The following SYN2 variants were observed in gnomAD, a reference collection of about 807,000 sequenced individuals.
SYN2 encodes the protein synapsin-2.
A neutral mutation model predicts 50.9 loss-of-function variants in SYN2; 19 were observed. The observed-to-expected ratio is 0.37, with a 90% CI of 0.26 to 0.55. The LOEUF is 0.55. SYN2 is among the 20% of genes least tolerant of loss of function. The pLI is 0.81. For missense variants in SYN2, 587 were observed against 576.4 expected, an observed-to-expected ratio of 1.02 and a Z score of -0.19; for synonymous variants, 255 against 224.9, an observed-to-expected ratio of 1.13 and a Z score of -1.20.
chr3:12,051,536 C>A (rs977527121), intron 1 of SYN2, among the ~76,000 whole-genome samples: 1 of 152,126 alleles, frequency 6.6e-6, no homozygotes, highest in Non-Finnish European at 1.5e-5. Context: ...TCTTTTAGTA[C>A]ATATGAATCC....
chr3:12,175,245 T>G (rs1004925823), intron 10 of SYN2, among the ~76,000 whole-genome samples: 2 of 152,248 alleles, frequency 1.3e-5, no homozygotes, highest in Non-Finnish European at 2.9e-5. Flanking sequence ...TACATATTTG[T>G]TGAGTGAGTT....
intron 7 of SYN2, among the ~76,000 whole-genome samples, chr3:12,165,916 T>G (rs1203063874): frequency 2.0e-5 from 3 of 151,812 alleles, no homozygotes; most frequent in Non-Finnish European, 4.4e-5. Context: ...CCTGGACTTT[T>G]ATCTCATACC....
At chr3:12,179,379 A>G (rs1274469624) in intron 10 of SYN2, among the ~76,000 whole-genome samples, 1 of 138,924 alleles carries the variant, frequency 7.2e-6, no homozygotes, top group Non-Finnish European at 1.5e-5. Flanking sequence ...TGAAAGAAAA[A>G]AAAAAAAAAA....
rs567032345 is a variant in SYN2, at chr3:12,167,957, G to T, written c.1056-419G>T. Among the ~76,000 whole-genome samples, 4 of 152,318 alleles carry T rather than the reference G, an allele frequency of 2.6e-5. No individual in the cohort carries two copies. The South Asian group carries it at 8.3e-4, about 32-fold the overall frequency. On this transcript the variant is annotated intron_variant, in intron 8 of 12. Transcript: ENST00000621198. ...CAAAGAACTTGGCCGCATTGTGTCC[G>T]TGCCCTGGGGATTTATGGAAGGCTG... is the stretch of plus-strand genomic sequence containing the variant.
intron 1 of SYN2, among the ~76,000 whole-genome samples, chr3:12,088,809 C>T (rs1386061618): frequency 2.0e-5 from 3 of 152,124 alleles, no homozygotes; most frequent in African/African-American, 7.2e-5. Flanking sequence ...AATCATCTCA[C>T]TTTTATGTGG....
At chr3:12,105,328 C>A (rs1458521861) in intron 1 of SYN2, among the ~76,000 whole-genome samples, 2 of 152,004 alleles carry the variant, frequency 1.3e-5, no homozygotes, top group Non-Finnish European at 2.9e-5. Flanking sequence ...ATATCTTACC[C>A]TTACATGGCG....
At chr3:12,058,612 A>G (rs1457662356) in intron 1 of SYN2, among the ~76,000 whole-genome samples, 1 of 152,232 alleles carries the variant, frequency 6.6e-6, no homozygotes, top group Admixed American at 6.5e-5. Flanking sequence ...GAATAAATCA[A>G]GATAAAATCA....
chr3:12,158,636 C>T (rs559902630), intron 5 of SYN2: 13 of 1,594,580 alleles, frequency 8.2e-6, no homozygotes, highest in Admixed American at 1.7e-5. Context: ...TCCTGGTGTA[C>T]TGCTGGCCAG....
At chr3:12,182,319 G>A (rs903029147) in intron 10 of SYN2, among the ~76,000 whole-genome samples, 4 of 152,292 alleles carry the variant, frequency 2.6e-5, no homozygotes, top group East Asian at 3.9e-4. Context: ...TTTAGCCACC[G>A]CCTTGCCTTG....
intron 1 of SYN2, among the ~76,000 whole-genome samples, chr3:12,021,056 A>G (rs528908003): frequency 3.9e-5 from 6 of 152,218 alleles, no homozygotes; most frequent in Admixed American, 6.5e-5. Context: ...ATAACTTCAT[A>G]TTTTTTTCAC....
At chr3:12,070,246 C>T in intron 1 of SYN2, 1 of 444,558 alleles carries the variant, frequency 2.2e-6, no homozygotes, top group Non-Finnish European at 4.5e-6. Flanking sequence ...GATTGCCATG[C>T]TGGTCATTGA....
intron 1 of SYN2, among the ~76,000 whole-genome samples, chr3:12,139,245 C>G (rs1458144365): frequency 1.3e-5 from 2 of 152,132 alleles, no homozygotes; most frequent in Non-Finnish European, 1.5e-5. Context: ...AGCCTGGCCT[C>G]GTCCCGGGTA....
At chr3:12,188,959 G>T (rs150540270) in intron 12 of SYN2, among the ~76,000 whole-genome samples, 1 of 152,316 alleles carries the variant, frequency 6.6e-6, no homozygotes, top group South Asian at 2.1e-4. Context: ...GAAGCTGGAG[G>T]CTCATCCCCA....
chr3:12,045,784 G>A (rs893340201), intron 1 of SYN2, among the ~76,000 whole-genome samples: 1 of 152,112 alleles, frequency 6.6e-6, no homozygotes, highest in African/African-American at 2.4e-5. Context: ...GGGGGGCTCA[G>A]GAATACCTCC....
intron 5 of SYN2, chr3:12,154,577 G>C: frequency 1.0e-6 from 1 of 962,028 alleles, no homozygotes; most frequent in Non-Finnish European, 1.6e-6. Flanking sequence ...GTGGCATGGG[G>C]CTCAGTGAAG....
intron 11 of SYN2, chr3:12,183,947 C>T: frequency 1.0e-6 from 1 of 991,288 alleles, no homozygotes; most frequent in South Asian, 4.6e-5. Flanking sequence ...TTCTGCATGA[C>T]TATTGTAACT....
Position 12,169,877 on chromosome 3 carries a change from C to G in SYN2, c.1279C>G (p.Gln427Glu). 6.2e-7 allele frequency: 1 copy of G among 1,612,088 alleles called. No homozygotes were observed. The highest frequency in any genetic ancestry group is 1.3e-5 in the African/African-American group (1 of 75,004). The change falls in exon 10 of 13, where the codon CAG (glutamine) becomes GAG (glutamate). Residue 427 changes from glutamine (Q) to glutamate (E), a missense_variant. Transcript: ENST00000621198. ...GTCCAGGACTCCTGCCCTGTCTCCTCAGAGACCCCTAACAACCCAGCAGCC... is the reference window on the plus strand; with the variant it reads ...GTCCAGGACTCCTGCCCTGTCTCCTGAGAGACCCCTAACAACCCAGCAGCC... ...LLSRTPALSP[Q>E]RPLTTQQPQS...
In SYN2 at chr3:12,057,023, G is replaced by A. The variant is rs895006195; in HGVS notation, c.377+52095G>A. ...AGTGACATCTGGGCCAGGTGTGGTG[G>A]CTCACGCCTGTAATCCCAGCACCTT... On this transcript the variant is annotated intron_variant, in intron 1 of 12. Coordinates refer to ENST00000621198, the MANE Select transcript of SYN2 (RefSeq NM_133625.6). Among the ~76,000 whole-genome samples, 6 of 152,150 alleles carry A rather than the reference G, an allele frequency of 3.9e-5. No individual in the cohort carries two copies. In the South Asian group the frequency reaches 1.2e-3, roughly 32 times the overall value.
At chr3:12,125,430 A>G (rs1696649415) in intron 1 of SYN2, among the ~76,000 whole-genome samples, 1 of 152,226 alleles carries the variant, frequency 6.6e-6, no homozygotes, top group Non-Finnish European at 1.5e-5. Context: ...CATTTCTCCA[A>G]GATTATGTTT....
Sources: allele counts gnomAD v4.1 joint callset (sites outside exome capture counted in the v4.1 genomes callset), GRCh38; gene constraint gnomAD v4.1.1; transcripts MANE v1.5; gene names NCBI Gene and HGNC (gene_info 2026-07-23, HGNC 2026-07-21).